AFG2A: variants seen among roughly 807,000 people sequenced by gnomAD.
The protein encoded by AFG2A is ATPase family gene 2 protein homolog A.
At chr4:123,146,813 T>C in the AFG2A span, among the ~76,000 whole-genome samples, 1 of 152,056 alleles carries the variant, frequency 6.6e-6, no homozygotes, top group Admixed American at 6.6e-5. Context: ...ATGATTACAC[T>C]ACAAGGCAAA....
chr4:123,020,852 T>G, the AFG2A span, among the ~76,000 whole-genome samples: 1 of 152,202 alleles, frequency 6.6e-6, no homozygotes, highest in Non-Finnish European at 1.5e-5. Flanking sequence ...TTTTTGTATT[T>G]CCTGAACTGT....
the AFG2A span, among the ~76,000 whole-genome samples, chr4:123,302,045 G>A: frequency 6.6e-6 from 1 of 152,126 alleles, no homozygotes; most frequent in Non-Finnish European, 1.5e-5. Flanking sequence ...AAATGTGAGG[G>A]CTGGCAGTAA....
chr4:123,015,814 ACC>A, the AFG2A span, among the ~76,000 whole-genome samples: 5 of 50,966 alleles, frequency 9.8e-5, no homozygotes, highest in Non-Finnish European at 1.9e-4. Flanking sequence ...TGGGGGGCTG[ACC>A]CCCCCACCTC....
the AFG2A span, among the ~76,000 whole-genome samples, chr4:123,170,917 ATTAACCCACCTAT>A: frequency 6.6e-6 from 1 of 152,206 alleles, no homozygotes; most frequent in Non-Finnish European, 1.5e-5. Context: ...AAATGGGGTT[ATTAACCCACCTAT>A]TTAACAGGGT....
chr4:123,242,299 C>T, the AFG2A span, among the ~76,000 whole-genome samples: 12 of 152,144 alleles, frequency 7.9e-5, no homozygotes, highest in Non-Finnish European at 1.8e-4. Context: ...CCCGCATAGC[C>T]AAGACAGTAC....
the AFG2A span, among the ~76,000 whole-genome samples, chr4:123,172,186 A>G: frequency 1.3e-5 from 2 of 152,166 alleles, no homozygotes; most frequent in Non-Finnish European, 2.9e-5. Context: ...GTGTAGCAGA[A>G]CTACCCTAAT....
At chr4:122,985,199 C>G in the AFG2A span, among the ~76,000 whole-genome samples, 1 of 150,780 alleles carries the variant, frequency 6.6e-6, no homozygotes, top group Non-Finnish European at 1.5e-5. Flanking sequence ...AATCTCGGCT[C>G]ATCGCAACCT....
the AFG2A span, among the ~76,000 whole-genome samples, chr4:123,293,517 C>A: frequency 2.6e-5 from 4 of 152,296 alleles, no homozygotes; most frequent in South Asian, 6.2e-4. Context: ...TATAGCCACC[C>A]TGTGGGGGCT....
At chr4:122,985,897 A>G in the AFG2A span, among the ~76,000 whole-genome samples, 1 of 151,294 alleles carries the variant, frequency 6.6e-6, no homozygotes. Context: ...AGACCTTCCA[A>G]TGTAGGTGCT....
chr4:123,290,500 G>T, the AFG2A span, among the ~76,000 whole-genome samples: 1 of 152,224 alleles, frequency 6.6e-6, no homozygotes, highest in Non-Finnish European at 1.5e-5. Flanking sequence ...GTTGGCTATA[G>T]ATATGTATTA....
At chr4:123,096,589 A>G in the AFG2A span, among the ~76,000 whole-genome samples, 1 of 152,052 alleles carries the variant, frequency 6.6e-6, no homozygotes, top group Non-Finnish European at 1.5e-5. Context: ...ATATCTTTGA[A>G]TTCAGTTTAT....
At chr4:123,031,678 T>A in the AFG2A span, among the ~76,000 whole-genome samples, 1 of 152,236 alleles carries the variant, frequency 6.6e-6, no homozygotes, top group Non-Finnish European at 1.5e-5. Flanking sequence ...TTAAACAGAT[T>A]GAAAGGAAAA....
the AFG2A span, among the ~76,000 whole-genome samples, chr4:123,178,524 G>A: frequency 1.3e-5 from 2 of 152,138 alleles, no homozygotes; most frequent in East Asian, 3.8e-4. Context: ...TCTGTATATT[G>A]TATAAGACCT....
At chr4:122,954,578 C>A in the AFG2A span, among the ~76,000 whole-genome samples, 1 of 152,200 alleles carries the variant, frequency 6.6e-6, no homozygotes, top group African/African-American at 2.4e-5. Context: ...GCTGGCGACC[C>A]TTCAAACAGG....
chr4:123,310,641 T>C, the AFG2A span, among the ~76,000 whole-genome samples: 3 of 152,236 alleles, frequency 2.0e-5, no homozygotes. Flanking sequence ...ACAGGTGCTA[T>C]ATCTTAGACA....
the AFG2A span, among the ~76,000 whole-genome samples, chr4:123,163,228 G>A: frequency 6.6e-6 from 1 of 152,168 alleles, no homozygotes; most frequent in East Asian, 1.9e-4. Context: ...AAGGTCAGGA[G>A]TTCAAGACTA....
the AFG2A span, among the ~76,000 whole-genome samples, chr4:123,280,665 T>G: frequency 1.3e-5 from 2 of 152,226 alleles, no homozygotes; most frequent in Non-Finnish European, 2.9e-5. Flanking sequence ...TCCTTCTGTT[T>G]CTGACCTATG....
At chr4:123,263,398 T>C in the AFG2A span, among the ~76,000 whole-genome samples, 1 of 152,234 alleles carries the variant, frequency 6.6e-6, no homozygotes, top group Non-Finnish European at 1.5e-5. Context: ...TATTTTTGTC[T>C]TCTCCACCTT....
chr4:123,076,451 G>A, the AFG2A span, among the ~76,000 whole-genome samples: 1 of 152,042 alleles, frequency 6.6e-6, no homozygotes, highest in Non-Finnish European at 1.5e-5. Context: ...GATGTGTACA[G>A]TTATTTATGT....
Sources: gnomAD v4.1 joint callset for allele counts (sites outside exome capture counted in the v4.1 genomes callset) on GRCh38, gnomAD v4.1.1 for gene constraint, MANE v1.5 for transcripts, NCBI Gene and HGNC (gene_info 2026-07-23, HGNC 2026-07-21) for gene names.